The following MBP variants were observed in gnomAD, a reference collection of about 807,000 sequenced individuals.
MBP encodes the protein myelin basic protein, also known as Golli-MBP.
MBP carries 16 observed loss-of-function variants against 35.8 expected under a neutral mutation model. The observed-to-expected ratio is 0.45, with a 90% confidence interval of 0.30 to 0.68. The LOEUF (loss-of-function observed/expected upper bound fraction) is 0.68. MBP is among the 30% of genes least tolerant of loss of function. The probability of loss-of-function intolerance (pLI) is 0.08; values close to 1 mark genes in which losing one functional copy is unlikely to be tolerated. For synonymous variants in MBP, 143 were observed against 159.6 expected, an observed-to-expected ratio of 0.90 and a Z score of 0.78; for missense variants, 380 against 404.7, an observed-to-expected ratio of 0.94 and a Z score of 0.52.
At chr18:76,997,687 C>CT (rs60063911) in intron 4 of MBP, among the ~76,000 whole-genome samples, 10,133 of 146,808 alleles carry the variant, frequency 0.069, 622 homozygotes, top group East Asian at 0.18. Context: ...ATCTGAGCCA[C>CT]TTTTTTTTTT....
Position 76,980,442 on chromosome 18 carries a change from G to C in MBP, c.900C>G (p.Pro300=), listed in dbSNP as rs774533624. The C allele has an allele frequency of 6.2e-7, 1 of 1,613,706 alleles. No individual in the cohort carries two copies. Among genetic ancestry groups the C allele is most frequent in the South Asian group, 1.1e-5 (1 of 91,054 alleles). ...AGGTGGGTTTTCAGCGTCTAGCCAT[G>C]GGTGATCCAGAGCGACTATCTCTTC... ...LGGRDSRSGS[P]MARR The change falls in exon 9 of 9, where the codon CCC becomes CCG. Residue 300 remains proline, a synonymous_variant. Coordinates refer to ENST00000355994, the MANE Select transcript of MBP (RefSeq NM_001025101.2).
chr18:77,007,053 G>T (rs1286498014), intron 4 of MBP, among the ~76,000 whole-genome samples: 1 of 152,204 alleles, frequency 6.6e-6, no homozygotes, highest in African/African-American at 2.4e-5. Flanking sequence ...GCTGGTTCCT[G>T]GCACTGCTCA....
chr18:77,070,705 T>C (rs896746194), intron 2 of MBP, among the ~76,000 whole-genome samples: 1 of 152,150 alleles, frequency 6.6e-6, no homozygotes, highest in Admixed American at 6.5e-5. Flanking sequence ...CACGGGGCTC[T>C]GGGGCAGGTG....
In MBP at chr18:76,979,691, A is replaced by C; in HGVS notation, c.*736T>G. On this transcript the variant is annotated 3_prime_UTR_variant, in exon 9 of 9. Transcript: ENST00000355994. The stretch of plus-strand genomic sequence containing the variant: ...ACATCTCCATCACCAAATCTCCAGG[A>C]AGACCCTGTTTCCTATGTGAGGCCA... The C allele has an allele frequency of 2.0e-6, 1 of 499,144 alleles. No homozygotes were observed. Among genetic ancestry groups the C allele is most frequent in the Non-Finnish European group, 3.6e-6 (1 of 279,840 alleles). The allele number at this position is 499,144 out of a possible 1,614,324, so 30.9% of individuals were successfully genotyped here.
At chr18:77,034,222 T>C (rs1337257641) in intron 3 of MBP, among the ~76,000 whole-genome samples, 1 of 152,060 alleles carries the variant, frequency 6.6e-6, no homozygotes, top group East Asian at 1.9e-4. Flanking sequence ...ACCATGTGCA[T>C]GTCCAGAGAG....
Position 77,086,310 on chromosome 18 carries a change from A to G in MBP, c.51+18901T>C, listed in dbSNP as rs542958657. On this transcript the variant is annotated intron_variant, in intron 2 of 8. Transcript: ENST00000355994. ...TTTATTAAGTAACTGCATGTGTTCC[A>G]AAGAGTTCATGCATACAAGTGCGAA... 2.6e-5 allele frequency among the ~76,000 whole-genome samples: 4 copies of G among 152,350 alleles called. No individual in the cohort carries two copies. In the East Asian group the frequency reaches 7.7e-4, roughly 29 times the overall value.
At chr18:77,062,870 T>C (rs1170658060) in intron 3 of MBP, among the ~76,000 whole-genome samples, 1 of 152,198 alleles carries the variant, frequency 6.6e-6, no homozygotes, top group African/African-American at 2.4e-5. Context: ...ACAGAGATCT[T>C]AGGTATGCGT....
In MBP at chr18:77,025,705, C is replaced by CTTTT. The variant is rs540022394; in HGVS notation, c.140-8441_140-8438dup. Among the ~76,000 whole-genome samples the CTTTT allele has an allele frequency of 5.0e-4, 54 of 108,800 alleles. 5 individuals carry two copies. The highest frequency in any genetic ancestry group is 1.6e-3 in the African/African-American group (39 of 24,564). 71.4% of individuals were successfully genotyped at this position (108,800 alleles called of 152,430 possible). On this transcript the variant is annotated intron_variant, in intron 3 of 8. Transcript: ENST00000355994. ...GCGGACACTGTCCTCTATTGAAATA[C>CTTTT]TTTTTTTTTTTTTTTTTTTTACCTA...
intron 2 of MBP, chr18:77,067,968 C>T: frequency 9.8e-6 from 4 of 407,538 alleles, no homozygotes; most frequent in East Asian, 1.4e-4. Flanking sequence ...CAGGGCCCTA[C>T]ACTCCGCCTC....
At chr18:77,123,574 A>G (rs1976953551) in intron 1 of MBP, among the ~76,000 whole-genome samples, 1 of 152,222 alleles carries the variant, frequency 6.6e-6, no homozygotes, top group Non-Finnish European at 1.5e-5. Flanking sequence ...CCCGGAGCTC[A>G]TTAAAATACA....
rs1971681671 is a variant in MBP, at chr18:77,016,954, C to T, written c.454G>A (p.Ala152Thr). ...TGCCTGGCATGGTCCATGGTACTTG[C>T]TGTGGCCAGGTACTTGGATCCGTGC... ...QRHGSKYLATASTMDHARHGF... is the reference protein window; with the variant it reads ...QRHGSKYLATTSTMDHARHGF... Residue 152 changes from alanine to threonine, a missense_variant, in exon 4 of 9, where the codon GCA (alanine) becomes ACA (threonine). Ala to Thr is a moderately conservative substitution (Grantham distance 58). Coordinates refer to ENST00000355994, the MANE Select transcript of MBP (RefSeq NM_001025101.2). 12 of 1,614,120 alleles carry T rather than the reference C, an allele frequency of 7.4e-6. No individual in the cohort carries two copies. The highest frequency in any genetic ancestry group is 1.0e-5 in the Non-Finnish European group (12 of 1,180,020).
chr18:76,985,759 T>C, intron 7 of MBP: 2 of 1,001,854 alleles, frequency 2.0e-6, no homozygotes. Context: ...TTCAGTTTCC[T>C]CATCTACGCA....
intron 2 of MBP, among the ~76,000 whole-genome samples, chr18:77,097,861 C>A (rs1450707449): frequency 1.3e-5 from 2 of 152,062 alleles, no homozygotes; most frequent in African/African-American, 2.4e-5. Flanking sequence ...ACAGCCTTGG[C>A]GATACTGAGT....
rs1183086261 is a variant in MBP at position 77,044,520 on chromosome 18, T to C, written c.139+21778A>G. 6.6e-6 allele frequency among the ~76,000 whole-genome samples: 1 copy of C among 152,082 alleles called. No individual in the cohort carries two copies. The highest frequency in any genetic ancestry group is 1.5e-5 in the Non-Finnish European group (1 of 68,008). Reference sequence around the variant, plus strand: ...ACAGGCCTTCCTGACCCCTCGTCCCTGGAAAGCCCTCTCCAGGGCCCTCGG... The same window carrying C: ...ACAGGCCTTCCTGACCCCTCGTCCCCGGAAAGCCCTCTCCAGGGCCCTCGG... On this transcript the variant is annotated intron_variant, in intron 3 of 8. Coordinates refer to ENST00000355994, the MANE Select transcript of MBP (RefSeq NM_001025101.2). This position sits in a 1 kb window ranked among gnomAD's most constrained non-coding sequence, Gnocchi z 4.4.
At chr18:77,024,121 C>T (rs1599090035) in intron 3 of MBP, among the ~76,000 whole-genome samples, 1 of 152,350 alleles carries the variant, frequency 6.6e-6, no homozygotes, top group Non-Finnish European at 1.5e-5. Context: ...TTTAAGTCAG[C>T]CTCTACACCC....
Position 77,090,605 on chromosome 18 carries a change from C to T in MBP, c.51+14606G>A, listed in dbSNP as rs138426725. ...TCAGTCTCCATCTCTCTTAGACTCC[C>T]GGGTGTCTGATGGCCCCATGCTCTC... On this transcript the variant is annotated intron_variant, in intron 2 of 8. Transcript: ENST00000355994. Among the ~76,000 whole-genome samples, 38 of 152,316 alleles carry T rather than the reference C, an allele frequency of 2.5e-4. No homozygotes were observed. In the East Asian group the frequency reaches 5.8e-3, roughly 23 times the overall value.
chr18:77,092,455 A>G (rs1193814968), intron 2 of MBP, among the ~76,000 whole-genome samples: 3 of 152,238 alleles, frequency 2.0e-5, no homozygotes, highest in East Asian at 3.8e-4. Context: ...CGCGCTCTCC[A>G]GATGCAAACG....
intron 2 of MBP, among the ~76,000 whole-genome samples, chr18:77,085,511 G>T (rs931462404): frequency 6.6e-6 from 1 of 151,856 alleles, no homozygotes; most frequent in Non-Finnish European, 1.5e-5. Context: ...CTCATGTAAG[G>T]CTCATGACAG....
chr18:77,086,968 T>C (rs1203140482), intron 2 of MBP, among the ~76,000 whole-genome samples: 1 of 152,186 alleles, frequency 6.6e-6, no homozygotes, highest in Non-Finnish European at 1.5e-5. Context: ...AAGACTAAAA[T>C]TGCCACGGAA....
Sources: allele counts gnomAD v4.1 joint callset (sites outside exome capture counted in the v4.1 genomes callset), GRCh38; gene constraint gnomAD v4.1.1; non-coding constraint Gnocchi (gnomAD v3.1); transcripts MANE v1.5; gene names NCBI Gene and HGNC (gene_info 2026-07-23, HGNC 2026-07-21).